TCF12: variants seen among roughly 807,000 people sequenced by gnomAD.
TCF12 encodes transcription factor 12.
Under a neutral mutation model 86.0 loss-of-function variants are expected in TCF12, and 45 were observed. The ratio of observed to expected loss-of-function variants is 0.52; its 90% CI spans 0.41 to 0.67. The LOEUF (loss-of-function observed/expected upper bound fraction) is 0.67, where lower values mean the gene tolerates loss of function less well. Among genes scored for constraint, TCF12 ranks in the 30% least tolerant of loss-of-function variants. TCF12 has a pLI of 0.00. For missense variants in TCF12, 881 were observed against 859.9 expected (o/e 1.02, Z -0.31); for synonymous variants, 330 against 299.6 (o/e 1.10, Z -1.05).
chr15:56,937,064 T>G (rs1443656438), intron 3 of TCF12, among the ~76,000 whole-genome samples: 1 of 152,234 alleles, frequency 6.6e-6, no homozygotes, highest in African/African-American at 2.4e-5. Context: ...TTTGGCAGTA[T>G]GGTCATTTTC....
chr15:56,939,769 C>T (rs1235738808), intron 3 of TCF12, among the ~76,000 whole-genome samples: 1 of 152,084 alleles, frequency 6.6e-6, no homozygotes, highest in Non-Finnish European at 1.5e-5. Flanking sequence ...CCGAAACTTA[C>T]GTTGATTAGC....
chr15:56,952,513 T>G (rs2414490), intron 3 of TCF12, among the ~76,000 whole-genome samples: 2 of 151,944 alleles, frequency 1.3e-5, no homozygotes, highest in African/African-American at 4.8e-5. Context: ...TTCTGATCCA[T>G]GTAGATGCTG....
intron 5 of TCF12, among the ~76,000 whole-genome samples, chr15:57,165,213 A>C (rs949910922): frequency 6.6e-6 from 1 of 152,098 alleles, no homozygotes; most frequent in Non-Finnish European, 1.5e-5. Context: ...CTCATGACAA[A>C]AAAATATAAA....
intron 3 of TCF12, among the ~76,000 whole-genome samples, chr15:57,057,685 TC>T (rs1230305057): frequency 6.6e-6 from 1 of 152,124 alleles, no homozygotes; most frequent in Admixed American, 6.5e-5. Flanking sequence ...TATTAGTAAT[TC>T]TGAATGAGTT....
chr15:57,136,911 A>AAT (rs2052561844), intron 5 of TCF12, among the ~76,000 whole-genome samples: 1 of 143,968 alleles, frequency 6.9e-6, no homozygotes, highest in South Asian at 2.2e-4. Flanking sequence ...TTGTCCTCCC[A>AAT]ATATGCTGGA....
At chr15:56,920,907 A>G (rs572913504) in intron 2 of TCF12, 119 bp from the exon 3 acceptor site, 10 of 673,690 alleles carry the variant, frequency 1.5e-5, no homozygotes, top group Non-Finnish European at 2.3e-5. Context: ...TGTATCTCCA[A>G]TTTTATTTTA....
intron 5 of TCF12, among the ~76,000 whole-genome samples, chr15:57,156,103 T>C (rs2054092772): frequency 6.6e-6 from 1 of 152,238 alleles, no homozygotes; most frequent in Admixed American, 6.5e-5. Context: ...CAGCTAAATG[T>C]CTCAAAATGT....
At chr15:57,164,190 C>T (rs539741703) in intron 5 of TCF12, among the ~76,000 whole-genome samples, 4 of 152,252 alleles carry the variant, frequency 2.6e-5, no homozygotes, top group East Asian at 1.9e-4. Context: ...TAATTGTTAA[C>T]GCTGTGAGAC....
chr15:57,197,419 A>T (rs1158254718), intron 7 of TCF12, among the ~76,000 whole-genome samples: 1 of 149,056 alleles, frequency 6.7e-6, no homozygotes, highest in South Asian at 2.1e-4. Flanking sequence ...TGGCTTCCCA[A>T]AGTGCTGGGA....
intron 5 of TCF12, among the ~76,000 whole-genome samples, chr15:57,114,369 C>T (rs2050700284): frequency 6.6e-6 from 1 of 152,168 alleles, no homozygotes; most frequent in African/African-American, 2.4e-5. Flanking sequence ...TGGCTTACTG[C>T]AGCCTTGGCC....
chr15:57,174,550 A>G (rs2055768307), intron 6 of TCF12, among the ~76,000 whole-genome samples: 1 of 152,218 alleles, frequency 6.6e-6, no homozygotes, highest in African/African-American at 2.4e-5. Context: ...CCAGTGTATG[A>G]GGACAAGAAA....
intron 3 of TCF12, among the ~76,000 whole-genome samples, chr15:57,025,368 C>T (rs1411893271): frequency 1.3e-5 from 2 of 152,190 alleles, no homozygotes; most frequent in Non-Finnish European, 2.9e-5. Flanking sequence ...GCATGAGCCA[C>T]CGCCCCCAGC....
intron 3 of TCF12, among the ~76,000 whole-genome samples, chr15:57,044,895 G>A (rs2470082): frequency 0.57 from 86,498 of 151,944 alleles, 24,845 homozygotes; most frequent in Admixed American, 0.61. Context: ...TTGCTTGATC[G>A]TTTGTGGTAC....
chr15:57,064,602 C>T (rs1180992302), intron 4 of TCF12, among the ~76,000 whole-genome samples: 1 of 151,880 alleles, frequency 6.6e-6, no homozygotes, highest in Non-Finnish European at 1.5e-5. Flanking sequence ...CGAGTCCAGC[C>T]TAGCCAACAT....
At chr15:57,100,470 C>G (rs1400613531) in intron 5 of TCF12, among the ~76,000 whole-genome samples, 1 of 147,772 alleles carries the variant, frequency 6.8e-6, no homozygotes, top group Non-Finnish European at 1.5e-5. Context: ...GCTGTGTTGG[C>G]CAGATTGGTC....
At chr15:57,064,092 C>G (rs757964507) in intron 4 of TCF12, among the ~76,000 whole-genome samples, 1 of 152,146 alleles carries the variant, frequency 6.6e-6, no homozygotes, top group Admixed American at 6.5e-5. Flanking sequence ...TGCATAAGTG[C>G]TCTCCATATG....
At chr15:57,099,761 T>C (rs1373588099) in intron 5 of TCF12, among the ~76,000 whole-genome samples, 1 of 152,204 alleles carries the variant, frequency 6.6e-6, no homozygotes, top group Non-Finnish European at 1.5e-5. Flanking sequence ...ATTCAACTTA[T>C]AGTAGATTTG....
At chr15:57,121,643 A>T (rs1043995694) in intron 5 of TCF12, among the ~76,000 whole-genome samples, 1 of 152,186 alleles carries the variant, frequency 6.6e-6, no homozygotes, top group African/African-American at 2.4e-5. Flanking sequence ...GGAGGCAGCA[A>T]TAAAGTGCCA....
At chr15:57,003,191 T>C (rs575327353) in intron 3 of TCF12, among the ~76,000 whole-genome samples, 1 of 152,084 alleles carries the variant, frequency 6.6e-6, no homozygotes, top group Admixed American at 6.5e-5. Context: ...TTCAGTGGCT[T>C]CTCAGTCAAG....
Sources: gnomAD v4.1 joint callset for allele counts (sites outside exome capture counted in the v4.1 genomes callset) on GRCh38, gnomAD v4.1.1 for gene constraint, MANE v1.5 for transcripts, NCBI Gene and HGNC (gene_info 2026-07-23, HGNC 2026-07-21) for gene names.